The following SHCBP1L variants were observed in gnomAD, a reference collection of about 807,000 sequenced individuals.
The protein encoded by SHCBP1L is SHC binding and spindle associated 1 like.
In SHCBP1L, 67 loss-of-function variants were observed where a neutral mutation model predicts 62.5. The observed-to-expected ratio is 1.07, with a 90% confidence interval of 0.88 to 1.31. The LOEUF is 1.31. SHCBP1L is among the 40% of genes most tolerant of loss of function. SHCBP1L has a pLI of 0.00. For missense variants in SHCBP1L, 823 were observed against 809.8 expected (o/e 1.02, Z -0.20); for synonymous variants, 284 against 289.4 (o/e 0.98, Z 0.19).
chr1:182,943,299 T>A (rs1651433446), intron 2 of SHCBP1L, among the ~76,000 whole-genome samples: 1 of 149,428 alleles, frequency 6.7e-6, no homozygotes, highest in South Asian at 2.2e-4. Flanking sequence ...TTTTTTTTTT[T>A]TTGGTACAGA....
chr1:182,949,755 T>C (rs181012354), intron 2 of SHCBP1L, among the ~76,000 whole-genome samples: 1 of 151,820 alleles, frequency 6.6e-6, no homozygotes, highest in East Asian at 1.9e-4. Context: ...AATAGAGTCT[T>C]ATTGAAAAAT....
rs764017611 is a variant in SHCBP1L at position 182,900,252 on chromosome 1, G to C, written c.1711-18C>G. Reference sequence around the variant, plus strand: ...GGAAGAACCTATTAAATTATTTGAGGAAATTAGTTTTTCAATGATTTTATT... The same window carrying C: ...GGAAGAACCTATTAAATTATTTGAGCAAATTAGTTTTTCAATGATTTTATT... On this transcript the variant is annotated intron_variant, in intron 9 of 9. Coordinates refer to ENST00000367547, the MANE Select transcript of SHCBP1L (RefSeq NM_030933.4). 6.6e-7 allele frequency: 1 copy of C among 1,516,076 alleles called. No individual in the cohort carries two copies. Among genetic ancestry groups the C allele is most frequent in the Non-Finnish European group, 8.8e-7 (1 of 1,130,038 alleles). The allele number at this position is 1,516,076 out of a possible 1,614,324, so 93.9% of individuals were successfully genotyped here.
Position 182,940,385 on chromosome 1 carries a change from A to G in SHCBP1L, c.714T>C (p.Pro238=). ...EHSVPLLEVY[P]VEGQDTDIHV... ...GTATATCAGTATCTTGTCCCTCAACAGGATACACTTCCAAAAGAGGCACAC... is the reference window on the plus strand; with the variant it reads ...GTATATCAGTATCTTGTCCCTCAACGGGATACACTTCCAAAAGAGGCACAC... Residue 238 remains proline, a synonymous_variant, in exon 3 of 10, where the codon CCT becomes CCC. Transcript: ENST00000367547. 1 of 1,614,008 alleles carries G rather than the reference A, an allele frequency of 6.2e-7. No individual in the cohort carries two copies.
chr1:182,906,834 T>C (rs1650031418), intron 6 of SHCBP1L, among the ~76,000 whole-genome samples: 1 of 151,672 alleles, frequency 6.6e-6, no homozygotes, highest in Non-Finnish European at 1.5e-5. Context: ...TTTATTTATT[T>C]TGAGACAGGG....
At chr1:182,937,406 T>C (rs1174848741) in intron 5 of SHCBP1L, among the ~76,000 whole-genome samples, 1 of 152,178 alleles carries the variant, frequency 6.6e-6, no homozygotes, top group Non-Finnish European at 1.5e-5. Context: ...CTATAGTAGG[T>C]AATGTGGGTT....
chr1:182,946,825 T>A (rs943679828), intron 2 of SHCBP1L, among the ~76,000 whole-genome samples: 1 of 152,246 alleles, frequency 6.6e-6, no homozygotes, highest in African/African-American at 2.4e-5. Context: ...TATTTTTCTA[T>A]CTTCAAGCAC....
At chr1:182,914,518 G>A (rs933058357) in intron 6 of SHCBP1L, among the ~76,000 whole-genome samples, 6 of 152,192 alleles carry the variant, frequency 3.9e-5, no homozygotes, top group Non-Finnish European at 1.5e-5. Flanking sequence ...CGATGGAGCT[G>A]TATGCTATTA....
intron 6 of SHCBP1L, among the ~76,000 whole-genome samples, chr1:182,921,164 A>G (rs1267365560): frequency 1.3e-5 from 2 of 152,206 alleles, no homozygotes; most frequent in East Asian, 3.8e-4. Flanking sequence ...CTATCAAGCT[A>G]ACAGTGGACC....
chr1:182,925,584 C>G (rs1302968537), intron 6 of SHCBP1L, among the ~76,000 whole-genome samples: 1 of 152,086 alleles, frequency 6.6e-6, no homozygotes, highest in East Asian at 1.9e-4. Context: ...TTGGTGAGGA[C>G]TGGAGAAATT....
intron 2 of SHCBP1L, among the ~76,000 whole-genome samples, chr1:182,945,445 CCTG>C (rs1352409829): frequency 1.6e-4 from 24 of 152,324 alleles, no homozygotes; most frequent in African/African-American, 5.5e-4. Context: ...GTTCTCTAGG[CCTG>C]CTATGTACAT....
At chr1:182,924,037 T>C (rs1650598022) in intron 6 of SHCBP1L, among the ~76,000 whole-genome samples, 1 of 152,174 alleles carries the variant, frequency 6.6e-6, no homozygotes, top group African/African-American at 2.4e-5. Context: ...TTAGCAAAGT[T>C]TCAGGACACA....
In SHCBP1L at chr1:182,952,868, G is replaced by C. The variant is rs13373887; in HGVS notation, c.266C>G (p.Ala89Gly). 1 of 1,552,430 alleles carries C rather than the reference G, an allele frequency of 6.4e-7. No individual in the cohort carries two copies. Among genetic ancestry groups the C allele is most frequent in the African/African-American group, 1.4e-5 (1 of 72,910 alleles). The stretch of plus-strand genomic sequence containing the variant: ...AGGCACTGGCAGCAGGGGCTCCTCC[G>C]CCGCCGCCGCCGCCGCCTCTCCCGT... Reference protein sequence around the residue: ...EDTGEAAAAAAEEPLLPVPED... With the variant: ...EDTGEAAAAAGEEPLLPVPED... Residue 89 changes from alanine (A) to glycine (G), a missense_variant, in exon 1 of 10, where the codon GCG (alanine) becomes GGG (glycine). Coordinates refer to ENST00000367547, the MANE Select transcript of SHCBP1L (RefSeq NM_030933.4).
intron 5 of SHCBP1L, among the ~76,000 whole-genome samples, chr1:182,932,131 AACATTCCTT>A (rs1651025247): frequency 7.7e-6 from 1 of 129,820 alleles, no homozygotes; most frequent in African/African-American, 4.3e-5. Context: ...AGTGCTGAAT[AACATTCCTT>A]GTCTGGGTGT....
chr1:182,928,107 A>C (rs1056405560), intron 6 of SHCBP1L, among the ~76,000 whole-genome samples: 2 of 152,190 alleles, frequency 1.3e-5, no homozygotes, highest in African/African-American at 4.8e-5. Context: ...AGGAAAATTA[A>C]ATTTTGTTGA....
In SHCBP1L at chr1:182,931,943, A is replaced by ATTTTTTTTT. The variant is rs1164377476; in HGVS notation, c.1077-2200_1077-2192dup. Among the ~76,000 whole-genome samples, 71 of 69,676 alleles carry ATTTTTTTTT rather than the reference A, an allele frequency of 1.0e-3. 5 individuals carry two copies. The highest frequency in any genetic ancestry group is 1.6e-3 in the African/African-American group (26 of 16,086). 45.7% of individuals were successfully genotyped at this position (69,676 alleles called of 152,430 possible). Reference sequence around the variant, plus strand: ...CTCCCTTAATACTTGGGAACCACTGATTTTTTTTTTTTTTTTTTTTTTTTT... The same window carrying ATTTTTTTTT: ...CTCCCTTAATACTTGGGAACCACTGATTTTTTTTTTTTTTTTTTTTTTTTTTTTTTTTTT... On this transcript the variant is annotated intron_variant, in intron 5 of 9. Coordinates refer to ENST00000367547, the MANE Select transcript of SHCBP1L (RefSeq NM_030933.4).
chr1:182,923,475 T>TCCTC (rs1387944172), intron 6 of SHCBP1L, among the ~76,000 whole-genome samples: 4 of 152,098 alleles, frequency 2.6e-5, no homozygotes, highest in African/African-American at 7.2e-5. Context: ...AACAAAATAT[T>TCCTC]AACAAACTGA....
chr1:182,932,947 C>A (rs1039686775), intron 5 of SHCBP1L, among the ~76,000 whole-genome samples: 3 of 151,208 alleles, frequency 2.0e-5, no homozygotes, highest in African/African-American at 7.3e-5. Flanking sequence ...ACTCTGTCAC[C>A]CAGGCTGGAG....
chr1:182,914,435 A>G (rs1417455097), intron 6 of SHCBP1L, among the ~76,000 whole-genome samples: 7 of 152,220 alleles, frequency 4.6e-5, no homozygotes, highest in Non-Finnish European at 1.0e-4. Context: ...GCCTAAAACA[A>G]TCCTTGTAAA....
intron 6 of SHCBP1L, among the ~76,000 whole-genome samples, chr1:182,923,251 C>T (rs1176998556): frequency 1.3e-5 from 2 of 152,114 alleles, no homozygotes; most frequent in Non-Finnish European, 2.9e-5. Context: ...AGCCTACCTA[C>T]CAATCAGAAA....
Sources: allele counts gnomAD v4.1 joint callset (sites outside exome capture counted in the v4.1 genomes callset), GRCh38; gene constraint gnomAD v4.1.1; transcripts MANE v1.5; gene names NCBI Gene and HGNC (gene_info 2026-07-23, HGNC 2026-07-21).